The following KIAA1549L variants were observed in gnomAD, a reference collection of about 807,000 sequenced individuals.
KIAA1549L encodes the protein KIAA1549 like, also known as UPF0606 protein KIAA1549L.
A neutral mutation model predicts 160.7 loss-of-function variants in KIAA1549L; 88 were observed. That is an observed-to-expected ratio of 0.55 (90% CI 0.46 to 0.65). KIAA1549L has a LOEUF of 0.65. Among genes scored for constraint, KIAA1549L ranks in the 30% least tolerant of loss-of-function variants. KIAA1549L has a pLI of 0.00. For missense variants in KIAA1549L, 2,258 were observed against 2,437.5 expected (o/e 0.93, Z 1.55); for synonymous variants, 950 against 976.7 (o/e 0.97, Z 0.51).
chr11:33,478,996 A>G (rs1392081995), intron 1 of KIAA1549L, among the ~76,000 whole-genome samples: 1 of 152,230 alleles, frequency 6.6e-6, no homozygotes, highest in Non-Finnish European at 1.5e-5. Flanking sequence ...GTTGCCCCTA[A>G]GGTTACTCAG....
intron 1 of KIAA1549L, among the ~76,000 whole-genome samples, chr11:33,471,112 C>T (rs569550063): frequency 6.6e-6 from 1 of 152,134 alleles, no homozygotes; most frequent in Non-Finnish European, 1.5e-5. Context: ...TGCCGCTGCA[C>T]CTGGCTAAGT....
intron 1 of KIAA1549L, among the ~76,000 whole-genome samples, chr11:33,417,458 C>T (rs1055661011): frequency 1.3e-5 from 2 of 152,186 alleles, no homozygotes; most frequent in Non-Finnish European, 2.9e-5. Context: ...AAATTGATTT[C>T]ATGACTCACG....
chr11:33,614,586 T>A lies in KIAA1549L; in HGVS notation c.5280-3947T>A, dbSNP rs11032315. On this transcript the variant is annotated intron_variant, in intron 15 of 20. Coordinates refer to ENST00000658780, the MANE Select transcript of KIAA1549L (RefSeq NM_012194.3). ...TATATATATATATATATATATATAT[T>A]TTTTTTTTTTTTTTTTTTTTTTTTT... 8.3e-3 allele frequency among the ~76,000 whole-genome samples: 193 copies of A among 23,218 alleles called. 3 individuals carry two copies. The highest frequency in any genetic ancestry group is 0.012 in the Non-Finnish European group (145 of 11,786). 15.2% of individuals were successfully genotyped at this position (23,218 alleles called of 152,430 possible).
intron 1 of KIAA1549L, among the ~76,000 whole-genome samples, chr11:33,509,755 C>T (rs1853182567): frequency 6.6e-6 from 1 of 152,132 alleles, no homozygotes; most frequent in African/African-American, 2.4e-5. Context: ...AATTTATAGC[C>T]AGGACATGGT....
chr11:33,395,569 AT>A (rs1251527602), intron 1 of KIAA1549L, among the ~76,000 whole-genome samples: 1 of 152,002 alleles, frequency 6.6e-6, no homozygotes, highest in Non-Finnish European at 1.5e-5. Context: ...GGAAGGCTTT[AT>A]TTTTTATTTC....
At chr11:33,580,224 A>T (rs1855588147) in intron 10 of KIAA1549L, among the ~76,000 whole-genome samples, 1 of 152,186 alleles carries the variant, frequency 6.6e-6, no homozygotes, top group South Asian at 2.1e-4. Flanking sequence ...CCCAAGGAGA[A>T]GCATACCAGA....
rs951866795 is a variant in KIAA1549L at position 33,668,507 on chromosome 11, C to T, written c.*353C>T. The stretch of plus-strand genomic sequence containing the variant: ...CCACATTTTAATAAATCACCGGAAG[C>T]GGGAGAATGTAGCTCTTATCTTCGG... On this transcript the variant is annotated 3_prime_UTR_variant, in exon 21 of 21. Transcript: ENST00000658780. 3.0e-5 allele frequency: 9 copies of T among 304,122 alleles called. No individual in the cohort carries two copies. Among genetic ancestry groups the T allele is most frequent in the South Asian group, 4.7e-5 (1 of 21,206 alleles). The allele number at this position is 304,122 out of a possible 1,614,324, so 18.8% of individuals were successfully genotyped here.
chr11:33,551,579 C>CAAAA (rs59152356), intron 5 of KIAA1549L, among the ~76,000 whole-genome samples: 1 of 146,476 alleles, frequency 6.8e-6, no homozygotes. Flanking sequence ...GTTGAACATG[C>CAAAA]AAAAAAAAAA....
At position 33,376,523 on chromosome 11, in the gene KIAA1549L, G is replaced by C. The variant is rs1849955419; in HGVS notation, c.-129G>C. ...GCAGGACGAGCGAGCCAGTCGCGCC[G>C]CTCGGCGCCCCCTCCCTCCGGCGCC... On this transcript the variant is annotated 5_prime_UTR_variant, in exon 1 of 21. Transcript: ENST00000658780. This position sits in a 1 kb window ranked among gnomAD's most constrained non-coding sequence, Gnocchi z 5.8. 6.7e-6 allele frequency: 1 copy of C among 148,624 alleles called. No homozygotes were observed. The highest frequency in any genetic ancestry group is 2.4e-5 in the African/African-American group (1 of 41,020). The allele number at this position is 148,624 out of a possible 1,614,324, so 9.2% of individuals were successfully genotyped here.
chr11:33,581,397 TTGTGTGTG>T (rs10579855), intron 10 of KIAA1549L, among the ~76,000 whole-genome samples: 5,252 of 149,750 alleles, frequency 0.035, 122 homozygotes, highest in Admixed American at 0.042. Context: ...TTCTGACAAA[TTGTGTGTG>T]TGTGTGTGTG....
intron 13 of KIAA1549L, chr11:33,599,453 G>GA (rs1480998344): frequency 8.6e-6 from 1 of 116,886 alleles, no homozygotes; most frequent in Non-Finnish European, 1.8e-5. Flanking sequence ...CTTCTCCCAG[G>GA]AAAAAACTAA....
intron 1 of KIAA1549L, among the ~76,000 whole-genome samples, chr11:33,393,652 G>A (rs1271406465): frequency 2.0e-5 from 3 of 152,198 alleles, no homozygotes; most frequent in Non-Finnish European, 4.4e-5. Context: ...AACAACCGAG[G>A]CATGTTGCCT....
chr11:33,574,991 A>T (rs991018467), intron 10 of KIAA1549L, 118 bp downstream of exon 10: 1 of 859,356 alleles, frequency 1.2e-6, no homozygotes, highest in African/African-American at 1.7e-5. Flanking sequence ...TGTATTCTGG[A>T]AGGTTCTTAA....
intron 16 of KIAA1549L, among the ~76,000 whole-genome samples, chr11:33,625,193 A>C (rs1283522425): frequency 1.3e-5 from 2 of 151,718 alleles, no homozygotes; most frequent in African/African-American, 4.8e-5. Context: ...AGTCTTTGCT[A>C]TTGTGAATAG....
Position 33,543,585 on chromosome 11 carries a change from C to T in KIAA1549L, c.2022C>T (p.Ser674=). The T allele has an allele frequency of 6.2e-7, 1 of 1,614,034 alleles. No individual in the cohort carries two copies. The highest frequency in any genetic ancestry group is 8.5e-7 in the Non-Finnish European group (1 of 1,179,886). ...CCAAACAGGTGAGAGCATCGCCCTC[C>T]TCCATGGATGTATATGATTCCTTAA... ...SASKQVRASP[S]SMDVYDSLTI... Residue 674 remains serine, a synonymous_variant, in exon 2 of 21, where the codon TCC becomes TCT. Coordinates refer to ENST00000658780, the MANE Select transcript of KIAA1549L (RefSeq NM_012194.3).
chr11:33,505,542 C>T lies in KIAA1549L; in HGVS notation c.239-36260C>T, dbSNP rs531956740. 2.6e-5 allele frequency among the ~76,000 whole-genome samples: 4 copies of T among 152,330 alleles called. No individual in the cohort carries two copies. In the South Asian group the frequency reaches 8.3e-4, roughly 32 times the overall value. ...TGTTAGAAATGCAGGTTATTCTCCA[C>T]TCCTGCCCTGGCCTCTCCCCATTTC... On this transcript the variant is annotated intron_variant, in intron 1 of 20. Transcript: ENST00000658780.
intron 4 of KIAA1549L, 97 bp from the exon 5 acceptor site, chr11:33,550,943 T>C: frequency 1.0e-6 from 1 of 956,140 alleles, no homozygotes. Flanking sequence ...TATTCTCCAG[T>C]CTTGTTTCTA....
At chr11:33,601,526 T>C (rs892577201) in intron 13 of KIAA1549L, among the ~76,000 whole-genome samples, 1 of 152,168 alleles carries the variant, frequency 6.6e-6, no homozygotes, top group Non-Finnish European at 1.5e-5. Context: ...AAAAAGTATA[T>C]TTTCATCACC....
chr11:33,472,606 T>C (rs1852203779), intron 1 of KIAA1549L, among the ~76,000 whole-genome samples: 4 of 152,128 alleles, frequency 2.6e-5, no homozygotes, highest in Admixed American at 1.3e-4. Context: ...GACTTTCTGT[T>C]ACAGAGGCTC....
Sources: allele counts gnomAD v4.1 joint callset (sites outside exome capture counted in the v4.1 genomes callset), GRCh38; gene constraint gnomAD v4.1.1; non-coding constraint Gnocchi (gnomAD v3.1); transcripts MANE v1.5; gene names NCBI Gene and HGNC (gene_info 2026-07-23, HGNC 2026-07-21).